NECTIN3: variants seen among roughly 807,000 people sequenced by gnomAD.
NECTIN3 encodes the protein nectin cell adhesion molecule 3.
Under a neutral mutation model 49.4 loss-of-function variants are expected in NECTIN3, and 8 were observed. The ratio of observed to expected loss-of-function variants is 0.16; its 90% CI spans 0.10 to 0.29. The LOEUF is 0.29. NECTIN3 is among the 10% of genes least tolerant of loss of function. The pLI is 1.00. For synonymous variants in NECTIN3, 277 were observed against 241.1 expected, an observed-to-expected ratio of 1.15 and a Z score of -1.38; for missense variants, 581 against 654.6, an observed-to-expected ratio of 0.89 and a Z score of 1.23.
chr3:111,190,861 G>A (rs893345554), upstream of NECTIN3, among the ~76,000 whole-genome samples: 2 of 152,202 alleles, frequency 1.3e-5, no homozygotes, highest in Non-Finnish European at 2.9e-5. Context: ...CAGTCATGAT[G>A]TGTGCTATAA....
chr3:111,093,868 A>G (rs1268855392), intron 1 of NECTIN3, among the ~76,000 whole-genome samples: 1 of 152,248 alleles, frequency 6.6e-6, no homozygotes, highest in East Asian at 1.9e-4. Flanking sequence ...ATGTAAAAAC[A>G]ACGTAAACAA....
At chr3:111,082,077 G>A (rs1191090146) in intron 1 of NECTIN3, among the ~76,000 whole-genome samples, 1 of 152,194 alleles carries the variant, frequency 6.6e-6, no homozygotes, top group Non-Finnish European at 1.5e-5. Context: ...GATTTGAAGG[G>A]AGGCTTGGAT....
At chr3:111,190,034 A>G (rs533530837), upstream of NECTIN3, among the ~76,000 whole-genome samples, 15 of 152,356 alleles carry the variant, frequency 9.8e-5, no homozygotes, top group South Asian at 3.1e-3. Flanking sequence ...CTGTGAGCCT[A>G]GCCTACAAGT....
intron 4 of NECTIN3, among the ~76,000 whole-genome samples, chr3:111,124,468 A>G (rs2034080353): frequency 6.6e-6 from 1 of 152,224 alleles, no homozygotes; most frequent in Non-Finnish European, 1.5e-5. Flanking sequence ...AGCCCAAAGT[A>G]CAAAGGTAAT....
Position 111,136,371 on chromosome 3 carries a change from G to T in NECTIN3, c.*2156G>T, listed in dbSNP as rs527868976. On this transcript the variant is annotated 3_prime_UTR_variant, in exon 6 of 6. Coordinates refer to ENST00000485303, the MANE Select transcript of NECTIN3 (RefSeq NM_015480.3). ...TTAGGTTTTTTTGTTTGTTTCTTTT[G>T]TGTTTGTTTGGCGGGAGAGGGTGAC... is the stretch of plus-strand genomic sequence containing the variant. 1.0e-6 allele frequency: 1 copy of T among 984,518 alleles called. No homozygotes were observed. The highest frequency in any genetic ancestry group is 1.2e-6 in the Non-Finnish European group (1 of 829,394). 61.0% of individuals were successfully genotyped at this position (984,518 alleles called of 1,614,324 possible). A position where few individuals can be genotyped will look rare whatever the true frequency, so the allele number is the denominator to read the frequency against.
chr3:111,089,013 G>A (rs1406233896), intron 1 of NECTIN3, among the ~76,000 whole-genome samples: 3 of 152,024 alleles, frequency 2.0e-5, no homozygotes, highest in Non-Finnish European at 4.4e-5. Flanking sequence ...CAGATTGATT[G>A]TGTCATTTTG....
chr3:111,158,479 T>G (rs1462389009), intron 7 of NECTIN3, among the ~76,000 whole-genome samples: 1 of 152,114 alleles, frequency 6.6e-6, no homozygotes, highest in Non-Finnish European at 1.5e-5. Context: ...AATGCCTTAT[T>G]ATTGATATAT....
intron 7 of NECTIN3, among the ~76,000 whole-genome samples, chr3:111,151,045 A>C (rs1414769626): frequency 6.6e-6 from 1 of 151,916 alleles, no homozygotes; most frequent in Non-Finnish European, 1.5e-5. Flanking sequence ...TGTAAGCAGT[A>C]TGAAGGCAGG....
At chr3:111,170,749 C>T (rs2035418882) in intron 7 of NECTIN3, among the ~76,000 whole-genome samples, 1 of 152,078 alleles carries the variant, frequency 6.6e-6, no homozygotes, top group Admixed American at 6.5e-5. Context: ...GATGAAGCAC[C>T]TGATGAGCTA....
intron 7 of NECTIN3, among the ~76,000 whole-genome samples, chr3:111,176,062 C>G (rs1261438488): frequency 6.6e-6 from 1 of 152,104 alleles, no homozygotes; most frequent in Non-Finnish European, 1.5e-5. Context: ...AAGTAGATGG[C>G]CTGTTATTTG....
Position 111,136,060 on chromosome 3 carries a change from T to C in NECTIN3, c.*1845T>C. On this transcript the variant is annotated 3_prime_UTR_variant, in exon 6 of 6. Transcript: ENST00000485303. ...GATAAAACACTGTGATTGATGTGAC[T>C]TTATTTTTAATTTAAACGATGAGGT... is the stretch of plus-strand genomic sequence containing the variant. The C allele has an allele frequency of 1.0e-6, 1 of 982,026 alleles. No individual in the cohort carries two copies. Among genetic ancestry groups the C allele is most frequent in the African/African-American group, 1.7e-5 (1 of 57,166 alleles). 60.8% of individuals were successfully genotyped at this position (982,026 alleles called of 1,614,324 possible). A position where few individuals can be genotyped will look rare whatever the true frequency, so the allele number is the denominator to read the frequency against.
At chr3:111,179,162 A>C (rs537500305) in intron 7 of NECTIN3, among the ~76,000 whole-genome samples, 2 of 152,160 alleles carry the variant, frequency 1.3e-5, no homozygotes, top group Non-Finnish European at 2.9e-5. Flanking sequence ...GCCAACTTTC[A>C]TGTTCTCTTG....
chr3:111,114,221 A>G (rs774382203), intron 2 of NECTIN3, among the ~76,000 whole-genome samples: 2 of 152,102 alleles, frequency 1.3e-5, no homozygotes, highest in African/African-American at 2.4e-5. Context: ...CCCAAGTCTT[A>G]TCATCATCAT....
chr3:111,072,459 C>A, intron 1 of NECTIN3: 1 of 1,535,390 alleles, frequency 6.5e-7, no homozygotes, highest in Non-Finnish European at 8.7e-7. Context: ...GCGCCGAACT[C>A]CGGGTTTGCT....
chr3:111,170,351 CTG>C (rs1183689032), intron 7 of NECTIN3, among the ~76,000 whole-genome samples: 1 of 152,144 alleles, frequency 6.6e-6, no homozygotes, highest in Non-Finnish European at 1.5e-5. Context: ...TTTACATGAA[CTG>C]TGTCATTTAA....
intron 1 of NECTIN3, among the ~76,000 whole-genome samples, chr3:111,078,544 CTTCAGTAAAATATCCCA>C (rs2107357297): frequency 6.6e-6 from 1 of 152,198 alleles, no homozygotes; most frequent in African/African-American, 2.4e-5. Context: ...CTAAGAAATT[CTTCAGTAAAATATCCCA>C]TTTAACAAAC....
Position 111,134,426 on chromosome 3 carries a change from T to A in NECTIN3, c.*211T>A. ...CAATTTTTTTTCAATGCTGTACTAC[T>A]GTCTCAAGATTTAAATTTTAATGCA... On this transcript the variant is annotated 3_prime_UTR_variant, in exon 6 of 6. Transcript: ENST00000485303. 2 of 1,249,380 alleles carry A rather than the reference T, an allele frequency of 1.6e-6. No individual in the cohort carries two copies. Among genetic ancestry groups the A allele is most frequent in the East Asian group, 6.7e-5 (2 of 30,072 alleles). 77.4% of individuals were successfully genotyped at this position (1,249,380 alleles called of 1,614,324 possible). A position where few individuals can be genotyped will look rare whatever the true frequency, so the allele number is the denominator to read the frequency against.
intron 2 of NECTIN3, among the ~76,000 whole-genome samples, chr3:111,112,754 C>T (rs2107451424): frequency 6.6e-6 from 1 of 152,164 alleles, no homozygotes; most frequent in South Asian, 2.1e-4. Context: ...AGTTTTGCAT[C>T]TAGGAGCCAT....
chr3:111,169,409 T>A (rs1404763650), intron 7 of NECTIN3, among the ~76,000 whole-genome samples: 2 of 149,228 alleles, frequency 1.3e-5, no homozygotes, highest in Non-Finnish European at 3.0e-5. Context: ...AGAGCACAGT[T>A]GGATATTCAA....
Sources: allele counts gnomAD v4.1 joint callset (sites outside exome capture counted in the v4.1 genomes callset), GRCh38; gene constraint gnomAD v4.1.1; transcripts MANE v1.5; gene names NCBI Gene and HGNC (gene_info 2026-07-23, HGNC 2026-07-21).